Variants in VRK2 observed in about 807,000 individuals in gnomAD.
The protein encoded by VRK2 is VRK serine/threonine kinase 2.
Under a neutral mutation model 57.6 loss-of-function variants are expected in VRK2, and 60 were observed. The ratio of observed to expected loss-of-function variants is 1.04; its 90% CI spans 0.85 to 1.29. VRK2 has a LOEUF of 1.29. VRK2 is among the 50% of genes most tolerant of loss of function. The probability of loss-of-function intolerance (pLI) is 0.00; values close to 1 mark genes in which losing one functional copy is unlikely to be tolerated. For missense variants in VRK2, 705 were observed against 588.1 expected (o/e 1.20, Z -2.06); for synonymous variants, 231 against 199.2 (o/e 1.16, Z -1.35).
chr2:58,065,180 G>A (rs1668447949), intron 2 of VRK2, among the ~76,000 whole-genome samples: 1 of 151,728 alleles, frequency 6.6e-6, no homozygotes, highest in Non-Finnish European at 1.5e-5. Flanking sequence ...AAAAATCTTT[G>A]TACATTTCTG....
In VRK2 at chr2:58,134,007, C is replaced by T. The variant is rs529768182; in HGVS notation, c.798-1134C>T. Among the ~76,000 whole-genome samples the T allele has an allele frequency of 2.4e-4, 36 of 152,144 alleles. 1 individual carries two copies. The highest frequency in any genetic ancestry group is 2.4e-3 in the Admixed American group (36 of 15,268). ...TAGTATTGGGGCCCAGAGAGCAATA[C>T]CCCAAAGTGTGATGCTTTGGCATGC... On this transcript the variant is annotated intron_variant, in intron 9 of 12. Coordinates refer to ENST00000340157, the MANE Select transcript of VRK2 (RefSeq NM_006296.7).
chr2:58,016,479 A>G (rs1572784030), intron 1 of VRK2, among the ~76,000 whole-genome samples: 1 of 152,166 alleles, frequency 6.6e-6, no homozygotes, highest in Non-Finnish European at 1.5e-5. Context: ...CAGCCTCCCG[A>G]GTAGCTGGGA....
rs58729342 is a variant in VRK2, at chr2:58,028,903, A to AATATATATATATATATAT, written c.-333+3156_-333+3173dup. On this transcript the variant is annotated intron_variant, in intron 2 of 15. Transcript: ENST00000417641. ...AGTATAATAAATAAATAAATAAATAAATATATATATATATATATATATATA... is the reference window on the plus strand; with the variant it reads ...AGTATAATAAATAAATAAATAAATAAATATATATATATATATATATATATATATATATATATATATATA... 7.0e-4 allele frequency among the ~76,000 whole-genome samples: 38 copies of AATATATATATATATATAT among 54,010 alleles called. 1 individual carries two copies. Among genetic ancestry groups the AATATATATATATATATAT allele is most frequent in the Non-Finnish European group, 8.9e-4 (25 of 28,216 alleles). The allele number at this position is 54,010 out of a possible 152,430, so 35.4% of individuals were successfully genotyped here. A position where few individuals can be genotyped will look rare whatever the true frequency, so the allele number is the denominator to read the frequency against.
At chr2:57,927,279 C>CTT (rs200017573) in intron 1 of VRK2, among the ~76,000 whole-genome samples, 1,978 of 137,050 alleles carry the variant, frequency 0.014, 33 homozygotes, top group Non-Finnish European at 0.023. Context: ...ATATTTTAGT[C>CTT]TTTTTTTTTT....
rs556439865 is a variant in VRK2, at chr2:58,115,513, G to A, written c.544-7588G>A. 5.1e-4 allele frequency among the ~76,000 whole-genome samples: 78 copies of A among 151,888 alleles called. 1 individual carries two copies. In the South Asian group the frequency reaches 0.016, roughly 31 times the overall value. ...AAAGCAGCGGCAGCCGCTGCATGCA[G>A]ACATGAGGGCTAGGCTAAGACAGTA... On this transcript the variant is annotated intron_variant, in intron 7 of 12. Coordinates refer to ENST00000340157, the MANE Select transcript of VRK2 (RefSeq NM_006296.7).
At chr2:58,116,225 G>A (rs188676832) in intron 7 of VRK2, among the ~76,000 whole-genome samples, 27 of 152,170 alleles carry the variant, frequency 1.8e-4, no homozygotes, top group Admixed American at 7.2e-4. Flanking sequence ...GTGCGTGATC[G>A]GTCGCCAAGG....
chr2:57,923,342 A>T (rs1031727122), intron 1 of VRK2, among the ~76,000 whole-genome samples: 1 of 152,040 alleles, frequency 6.6e-6, no homozygotes, highest in African/African-American at 2.4e-5. Flanking sequence ...TTACACTCCC[A>T]CCAATACTGT....
intron 1 of VRK2, among the ~76,000 whole-genome samples, chr2:57,972,942 C>G (rs1399559611): frequency 2.0e-5 from 3 of 151,778 alleles, no homozygotes; most frequent in Non-Finnish European, 4.4e-5. Flanking sequence ...CATTTGGGTT[C>G]TTTCTAGTCT....
intron 1 of VRK2, among the ~76,000 whole-genome samples, chr2:58,013,529 T>A (rs181565350): frequency 6.6e-6 from 1 of 152,318 alleles, no homozygotes; most frequent in Non-Finnish European, 1.5e-5. Flanking sequence ...AAATAAGTAA[T>A]AATAAATTGC....
intron 1 of VRK2, among the ~76,000 whole-genome samples, chr2:57,945,201 C>A (rs1671223729): frequency 6.6e-6 from 1 of 152,058 alleles, no homozygotes; most frequent in African/African-American, 2.4e-5. Flanking sequence ...TTGAAAAAAT[C>A]TTGTATTAAG....
At chr2:58,119,765 ATAT>A (rs1677142953) in intron 7 of VRK2, among the ~76,000 whole-genome samples, 1 of 151,274 alleles carries the variant, frequency 6.6e-6, no homozygotes, top group South Asian at 2.1e-4. Context: ...CAGGATATTT[ATAT>A]TATTTTATAT....
At chr2:58,002,052 G>A (rs867017402) in intron 1 of VRK2, among the ~76,000 whole-genome samples, 62 of 152,230 alleles carry the variant, frequency 4.1e-4, no homozygotes, top group African/African-American at 1.5e-3. Context: ...CACAAACCTA[G>A]AACATGGTAG....
At chr2:57,938,032 A>C (rs938928309) in intron 1 of VRK2, among the ~76,000 whole-genome samples, 2 of 151,836 alleles carry the variant, frequency 1.3e-5, no homozygotes, top group Non-Finnish European at 2.9e-5. Context: ...GGTTTTCACC[A>C]TATTGGCCAG....
chr2:58,071,547 A>G (rs1669361470), intron 2 of VRK2, among the ~76,000 whole-genome samples: 1 of 152,102 alleles, frequency 6.6e-6, no homozygotes, highest in African/African-American at 2.4e-5. Flanking sequence ...TGAAAAGACT[A>G]CACTTCGTCT....
chr2:57,958,841 T>A (rs1354968092), intron 1 of VRK2, among the ~76,000 whole-genome samples: 1 of 152,192 alleles, frequency 6.6e-6, no homozygotes, highest in Non-Finnish European at 1.5e-5. Flanking sequence ...CTGATATTTA[T>A]TACTGGGGAA....
At chr2:57,979,027 G>T (rs1276136273) in intron 1 of VRK2, among the ~76,000 whole-genome samples, 2 of 151,084 alleles carry the variant, frequency 1.3e-5, no homozygotes, top group African/African-American at 2.5e-5. Flanking sequence ...AGTTTTCCAT[G>T]TGGTATATGT....
chr2:58,072,616 G>T (rs191896703), intron 2 of VRK2, among the ~76,000 whole-genome samples: 26 of 152,022 alleles, frequency 1.7e-4, no homozygotes, highest in African/African-American at 6.0e-4. Flanking sequence ...ATCCCATTAA[G>T]TTGTGGTGTT....
At chr2:57,989,861 C>T (rs1320102221) in intron 1 of VRK2, among the ~76,000 whole-genome samples, 1 of 151,664 alleles carries the variant, frequency 6.6e-6, no homozygotes. Context: ...TAATGAATGG[C>T]CAAAGGACAG....
intron 10 of VRK2, among the ~76,000 whole-genome samples, chr2:58,137,192 A>ACATAT: frequency 1.8e-5 from 1 of 55,102 alleles, no homozygotes; most frequent in Non-Finnish European, 3.0e-5. Context: ...CATATATGAT[A>ACATAT]CATATATATC....
Sources: allele counts gnomAD v4.1 joint callset (sites outside exome capture counted in the v4.1 genomes callset), GRCh38; gene constraint gnomAD v4.1.1; transcripts MANE v1.5; gene names NCBI Gene and HGNC (gene_info 2026-07-23, HGNC 2026-07-21).